MDGA2: variants seen among roughly 807,000 people sequenced by gnomAD.
The protein encoded by MDGA2 is MAM domain containing glycosylphosphatidylinositol anchor 2.
MDGA2 carries 40 observed loss-of-function variants against 117.8 expected under a neutral mutation model. That is an observed-to-expected ratio of 0.34 (90% CI 0.26 to 0.44). MDGA2 has a LOEUF of 0.44. Ranked by LOEUF, MDGA2 falls within the 20% of genes least tolerant of loss-of-function variation. MDGA2 has a pLI of 1.00. For missense variants in MDGA2, 1,123 were observed against 1,250.6 expected (o/e 0.90, Z 1.54); for synonymous variants, 452 against 439.0 (o/e 1.03, Z -0.37).
intron 1 of MDGA2, among the ~76,000 whole-genome samples, chr14:47,611,516 A>T (rs1207231698): frequency 6.6e-6 from 1 of 152,136 alleles, no homozygotes; most frequent in African/African-American, 2.4e-5. Flanking sequence ...TCAGCAAAAA[A>T]ACAAACAATC....
intron 1 of MDGA2, among the ~76,000 whole-genome samples, chr14:47,396,655 C>A (rs1336153909): frequency 6.6e-6 from 1 of 151,986 alleles, no homozygotes; most frequent in East Asian, 1.9e-4. Flanking sequence ...AAAAACAACC[C>A]CATCCAAATG....
chr14:47,019,218 G>A (rs1255252361), intron 8 of MDGA2, among the ~76,000 whole-genome samples: 1 of 152,000 alleles, frequency 6.6e-6, no homozygotes, highest in African/African-American at 2.4e-5. Flanking sequence ...CCATCACTAA[G>A]CCAAGAATGA....
At chr14:47,330,925 T>C (rs1312899444) in intron 1 of MDGA2, among the ~76,000 whole-genome samples, 1 of 151,924 alleles carries the variant, frequency 6.6e-6, no homozygotes, top group Non-Finnish European at 1.5e-5. Context: ...ATGAAAAAAT[T>C]AGACATTAAT....
At chr14:47,098,461 A>C (rs1176326068) in intron 5 of MDGA2, among the ~76,000 whole-genome samples, 2 of 151,818 alleles carry the variant, frequency 1.3e-5, no homozygotes, top group Non-Finnish European at 2.9e-5. Context: ...GAAATTCTAA[A>C]TATTTATGAT....
At chr14:47,007,253 A>G (rs1289371359) in intron 8 of MDGA2, among the ~76,000 whole-genome samples, 1 of 151,894 alleles carries the variant, frequency 6.6e-6, no homozygotes, top group Admixed American at 6.6e-5. Context: ...CAAGCAGAGT[A>G]ATAAATATCA....
At chr14:47,544,657 A>C (rs980268117) in intron 1 of MDGA2, among the ~76,000 whole-genome samples, 8 of 152,186 alleles carry the variant, frequency 5.3e-5, no homozygotes, top group African/African-American at 1.9e-4. Flanking sequence ...TACCAGGTCA[A>C]CTGGTTAATG....
intron 1 of MDGA2, among the ~76,000 whole-genome samples, chr14:47,466,103 G>C (rs1197985828): frequency 6.6e-6 from 1 of 152,116 alleles, no homozygotes; most frequent in Non-Finnish European, 1.5e-5. Flanking sequence ...TTACCTATAA[G>C]TGGGAGCTAA....
intron 1 of MDGA2, among the ~76,000 whole-genome samples, chr14:47,563,805 T>C (rs1308583293): frequency 2.0e-5 from 3 of 152,052 alleles, no homozygotes; most frequent in Non-Finnish European, 4.4e-5. Context: ...ATCATGTTGT[T>C]AGCTGGTTAT....
At position 47,330,160 on chromosome 14, in the gene MDGA2, T is replaced by C. The variant is rs551156468; in HGVS notation, c.281-28610A>G. Among the ~76,000 whole-genome samples, 4 of 152,090 alleles carry C rather than the reference T, an allele frequency of 2.6e-5. No individual in the cohort carries two copies. In the South Asian group the frequency reaches 6.2e-4, roughly 24 times the overall value. On this transcript the variant is annotated intron_variant, in intron 1 of 16. Transcript: ENST00000399232. Reference sequence around the variant, plus strand: ...AATTTTAAAGGTTACATTTCTCTAATTTTTATGAGTGAATTACAGGTCACT... The same window carrying C: ...AATTTTAAAGGTTACATTTCTCTAACTTTTATGAGTGAATTACAGGTCACT...
intron 3 of MDGA2, among the ~76,000 whole-genome samples, chr14:47,167,320 T>C (rs536455217): frequency 6.1e-4 from 93 of 152,306 alleles, no homozygotes; most frequent in African/African-American, 2.0e-3. Flanking sequence ...ATCTTTGCTC[T>C]TCTCATAAAA....
At chr14:47,310,349 C>T (rs146627989) in intron 1 of MDGA2, among the ~76,000 whole-genome samples, 28 of 152,258 alleles carry the variant, frequency 1.8e-4, no homozygotes, top group South Asian at 1.4e-3. Flanking sequence ...TAGGCAGTCA[C>T]GCATAGCCAT....
intron 8 of MDGA2, among the ~76,000 whole-genome samples, chr14:46,971,171 A>G (rs78453024): frequency 0.11 from 17,178 of 152,046 alleles, 1,853 homozygotes; most frequent in African/African-American, 0.26. Flanking sequence ...CTCAAAAAAA[A>G]TAAAAATAGA....
chr14:47,050,229 G>A (rs904728070), intron 7 of MDGA2, among the ~76,000 whole-genome samples: 2 of 151,966 alleles, frequency 1.3e-5, no homozygotes, highest in Non-Finnish European at 2.9e-5. Context: ...GTCAATAAAA[G>A]TCAGGCCTAC....
chr14:47,486,727 T>C (rs1031825345), intron 1 of MDGA2, among the ~76,000 whole-genome samples: 8 of 152,098 alleles, frequency 5.3e-5, no homozygotes, highest in Non-Finnish European at 1.2e-4. Flanking sequence ...TCTAATGGTT[T>C]TAAAAATGGG....
At chr14:46,845,693 T>G in intron 16 of MDGA2, 73 bp downstream of exon 16, 1 of 905,128 alleles carries the variant, frequency 1.1e-6, no homozygotes, top group Non-Finnish European at 1.6e-6. Flanking sequence ...TAAAATTAAT[T>G]AAATTAAATG....
At chr14:47,342,983 G>A in intron 1 of MDGA2, 2 of 963,514 alleles carry the variant, frequency 2.1e-6, no homozygotes, top group Non-Finnish European at 2.9e-6. Context: ...AGGCAGCTTT[G>A]CCTGGCAGAA....
chr14:47,250,391 T>A (rs1486004152), intron 2 of MDGA2, among the ~76,000 whole-genome samples: 1 of 152,242 alleles, frequency 6.6e-6, no homozygotes, highest in Admixed American at 6.5e-5. Flanking sequence ...TTATTTATAA[T>A]TTAATGAGTT....
At chr14:47,612,205 TAGAC>T (rs1167078339) in intron 1 of MDGA2, among the ~76,000 whole-genome samples, 16 of 117,482 alleles carry the variant, frequency 1.4e-4, no homozygotes, top group Middle Eastern at 4.4e-3. Context: ...GATAGATAGA[TAGAC>T]AGATAGATAG....
At chr14:47,032,019 A>C (rs1264997219) in intron 8 of MDGA2, among the ~76,000 whole-genome samples, 1 of 152,172 alleles carries the variant, frequency 6.6e-6, no homozygotes. Flanking sequence ...CTAACAAACC[A>C]GGCATGCATT....
Sources: allele counts gnomAD v4.1 joint callset (sites outside exome capture counted in the v4.1 genomes callset), GRCh38; gene constraint gnomAD v4.1.1; transcripts MANE v1.5; gene names NCBI Gene and HGNC (gene_info 2026-07-23, HGNC 2026-07-21).